The following SCRG1 variants were observed in gnomAD, a reference collection of about 807,000 sequenced individuals.
SCRG1 encodes the protein stimulator of chondrogenesis 1.
In SCRG1, 3 loss-of-function variants were observed where a neutral mutation model predicts 7.7. The observed-to-expected ratio is 0.39, with a 90% CI of 0.18 to 1.01. The LOEUF (loss-of-function observed/expected upper bound fraction) is 1.01. Ranked by LOEUF, SCRG1 falls within the 50% of genes least tolerant of loss-of-function variation. The pLI, the probability that SCRG1 is intolerant of heterozygous loss-of-function variation, is 0.36. For missense variants in SCRG1, 110 were observed against 117.2 expected, an observed-to-expected ratio of 0.94 and a Z score of 0.28; for synonymous variants, 46 against 41.2, an observed-to-expected ratio of 1.12 and a Z score of -0.44.
At chr4:173,516,464 A>G in the SCRG1 span, among the ~76,000 whole-genome samples, 4 of 152,206 alleles carry the variant, frequency 2.6e-5, no homozygotes, top group South Asian at 2.1e-4. Context: ...AAGCACTGGT[A>G]TCAAGGACGA....
chr4:173,497,523 T>C, the SCRG1 span, among the ~76,000 whole-genome samples: 9 of 151,824 alleles, frequency 5.9e-5, no homozygotes, highest in African/African-American at 2.2e-4. Context: ...ACAGCATTAA[T>C]TGGGCTAGTC....
At position 173,391,298 on chromosome 4, in the gene SCRG1, G is replaced by A; in HGVS notation, c.117C>T (p.His39=). ...YRKILKDHNC[H]NLPEGVADLT... is the part of the protein sequence containing the mutation. ...GGTCAGCTACTCCTTCCGGAAGGTT[G>A]TGACAGTTGTGATCTTTTAGTATCT... Residue 39 remains histidine (H), a synonymous_variant, in exon 2 of 3, where the codon CAC becomes CAT. Coordinates refer to ENST00000296506, the MANE Select transcript of SCRG1 (RefSeq NM_007281.4). 6.2e-7 allele frequency: 1 copy of A among 1,614,184 alleles called. No homozygotes were observed. Among genetic ancestry groups the A allele is most frequent in the Non-Finnish European group, 8.5e-7 (1 of 1,180,022 alleles).
At chr4:173,483,864 A>G in the SCRG1 span, among the ~76,000 whole-genome samples, 10 of 33,748 alleles carry the variant, frequency 3.0e-4, no homozygotes, top group Admixed American at 5.8e-4. Flanking sequence ...TTCATATTAC[A>G]TATGTTATAT....
At chr4:173,459,332 ACATTCTCCAGGATAGACCATATCTTAGGC>A in the SCRG1 span, among the ~76,000 whole-genome samples, 1 of 152,228 alleles carries the variant, frequency 6.6e-6, no homozygotes, top group Non-Finnish European at 1.5e-5. Flanking sequence ...AGCACATGAA[ACATTCTCCAGGATAGACCATATCTTAGGC>A]CACAAAACAA....
chr4:173,495,383 C>G, the SCRG1 span, among the ~76,000 whole-genome samples: 111 of 152,324 alleles, frequency 7.3e-4, no homozygotes, highest in Admixed American at 1.5e-3. Flanking sequence ...CCTATTTCGG[C>G]ATGACTTTTA....
At chr4:173,456,729 A>C in the SCRG1 span, among the ~76,000 whole-genome samples, 1 of 142,394 alleles carries the variant, frequency 7.0e-6, no homozygotes, top group Non-Finnish European at 1.5e-5. Flanking sequence ...AATTAGGTAG[A>C]AATTAGAGAA....
chr4:173,482,753 G>A, the SCRG1 span, among the ~76,000 whole-genome samples: 1 of 151,448 alleles, frequency 6.6e-6, no homozygotes, highest in Admixed American at 6.7e-5. Context: ...AGGAGGTCAA[G>A]GCTGCAGTGA....
the SCRG1 span, among the ~76,000 whole-genome samples, chr4:173,481,024 T>C: frequency 6.6e-6 from 1 of 152,142 alleles, no homozygotes; most frequent in Non-Finnish European, 1.5e-5. Flanking sequence ...AATTAGTTTT[T>C]CTCTATCCAT....
At chr4:173,494,018 C>T in the SCRG1 span, among the ~76,000 whole-genome samples, 1 of 152,184 alleles carries the variant, frequency 6.6e-6, no homozygotes, top group African/African-American at 2.4e-5. Flanking sequence ...TGCGTGCCTT[C>T]TAGAATAGAT....
intron 1 of SCRG1, among the ~76,000 whole-genome samples, chr4:173,397,266 T>C: frequency 6.6e-6 from 1 of 152,084 alleles, no homozygotes; most frequent in Admixed American, 6.5e-5. Context: ...ATCAAAACCA[T>C]ATATGTTCAA....
At chr4:173,437,589 C>G in the SCRG1 span, among the ~76,000 whole-genome samples, 1 of 152,036 alleles carries the variant, frequency 6.6e-6, no homozygotes, top group Non-Finnish European at 1.5e-5. Context: ...GAGCAAACAC[C>G]CAATTAGAGT....
At chr4:173,489,510 A>AT in the SCRG1 span, among the ~76,000 whole-genome samples, 6,393 of 134,846 alleles carry the variant, frequency 0.047, 365 homozygotes, top group African/African-American at 0.14. Context: ...TGCGTTTCTA[A>AT]TTTTTTTTTT....
chr4:173,477,470 T>C, the SCRG1 span, among the ~76,000 whole-genome samples: 149,967 of 152,202 alleles, frequency 0.99, 73,931 homozygotes, highest in South Asian at 1. Context: ...TGCATCGATT[T>C]AGCACACACC....
At chr4:173,491,213 C>CT in the SCRG1 span, among the ~76,000 whole-genome samples, 1 of 101,930 alleles carries the variant, frequency 9.8e-6, no homozygotes, top group Non-Finnish European at 2.5e-5. Flanking sequence ...CTCTCTCTCT[C>CT]TCTCTTTTTT....
At chr4:173,406,601 A>G (rs1045938850), upstream of SCRG1, among the ~76,000 whole-genome samples, 13 of 152,130 alleles carry the variant, frequency 8.5e-5, no homozygotes, top group Admixed American at 3.9e-4. Context: ...CTGCCCTAAA[A>G]TATCTCCTGT....
the SCRG1 span, among the ~76,000 whole-genome samples, chr4:173,484,431 ATATACATAT>A: frequency 1.5e-5 from 1 of 67,174 alleles, no homozygotes; most frequent in Non-Finnish European, 2.5e-5. Flanking sequence ...ATTATATATT[ATATACATAT>A]GATATATAAT....
At chr4:173,494,955 A>G in the SCRG1 span, among the ~76,000 whole-genome samples, 1 of 152,200 alleles carries the variant, frequency 6.6e-6, no homozygotes, top group Non-Finnish European at 1.5e-5. Flanking sequence ...AGGAAAGAAA[A>G]AGAAGACAGG....
intron 1 of SCRG1, chr4:173,398,398 G>A (rs748111617): frequency 2.6e-5 from 4 of 152,148 alleles, no homozygotes; most frequent in Non-Finnish European, 4.4e-5. Flanking sequence ...ATCATCACTG[G>A]AGAAAAGGAC....
chr4:173,507,312 C>T, the SCRG1 span, among the ~76,000 whole-genome samples: 1 of 152,130 alleles, frequency 6.6e-6, no homozygotes, highest in East Asian at 1.9e-4. This position sits in a 1 kb window ranked among gnomAD's most constrained non-coding sequence, Gnocchi z 4.4. Flanking sequence ...CGGGTTCAAG[C>T]GATTCTCCTG....
Sources: allele counts gnomAD v4.1 joint callset (sites outside exome capture counted in the v4.1 genomes callset), GRCh38; gene constraint gnomAD v4.1.1; non-coding constraint Gnocchi (gnomAD v3.1); transcripts MANE v1.5; gene names NCBI Gene and HGNC (gene_info 2026-07-23, HGNC 2026-07-21).